The following USH2A variants were observed in gnomAD, a reference collection of about 807,000 sequenced individuals.
USH2A encodes the protein usherin, also known as Usher syndrome 2A (autosomal recessive, mild).
In USH2A, 443 loss-of-function variants were observed where a neutral mutation model predicts 538.9. The ratio of observed to expected loss-of-function variants is 0.82; its 90% CI spans 0.76 to 0.89. The LOEUF (loss-of-function observed/expected upper bound fraction) is 0.89, where lower values mean the gene tolerates loss of function less well. Ranked by LOEUF, USH2A falls within the 40% of genes least tolerant of loss-of-function variation. USH2A has a pLI of 0.00. For missense variants in USH2A, 6,633 were observed against 6,324.8 expected (o/e 1.05, Z -1.65); for synonymous variants, 2,413 against 2,273.5 (o/e 1.06, Z -1.75).
chr1:215,882,362 C>T (rs546060748), intron 41 of USH2A, among the ~76,000 whole-genome samples: 18 of 152,278 alleles, frequency 1.2e-4, no homozygotes, highest in African/African-American at 3.9e-4. Flanking sequence ...AGTAATTCCT[C>T]TTATGATGGA....
chr1:216,165,195 A>ATATG (rs1311516033), intron 21 of USH2A, among the ~76,000 whole-genome samples: 1 of 152,260 alleles, frequency 6.6e-6, no homozygotes, highest in East Asian at 1.9e-4. Context: ...ATTGTACTGT[A>ATATG]TATGTTTATT....
At chr1:216,370,723 C>T (rs2038697720) in intron 3 of USH2A, among the ~76,000 whole-genome samples, 1 of 134,660 alleles carries the variant, frequency 7.4e-6, no homozygotes, top group African/African-American at 2.7e-5. Context: ...GCTATAGAAG[C>T]GTGACTGGTG....
At chr1:215,780,650 T>G (rs1661606869) in intron 54 of USH2A, among the ~76,000 whole-genome samples, 1 of 152,250 alleles carries the variant, frequency 6.6e-6, no homozygotes, top group African/African-American at 2.4e-5. Flanking sequence ...AAAATTGGCT[T>G]CTTTCATAGA....
chr1:216,332,476 A>G (rs984268184), intron 4 of USH2A, among the ~76,000 whole-genome samples: 1 of 152,152 alleles, frequency 6.6e-6, no homozygotes, highest in Non-Finnish European at 1.5e-5. Context: ...ATGAACATGC[A>G]AAAGGCTAAG....
chr1:216,316,850 A>C lies in USH2A; in HGVS notation c.1644+5033T>G, dbSNP rs116383467. Among the ~76,000 whole-genome samples the C allele has an allele frequency of 5.4e-3, 820 of 152,280 alleles. 9 individuals are homozygous for C. Among genetic ancestry groups the C allele is most frequent in the African/African-American group, 0.018 (757 of 41,550 alleles). ...AATTGGGCAATGAACATGAACAGACAGTTCTCAAAAGAAGACATTAATGTC... is the reference window on the plus strand; with the variant it reads ...AATTGGGCAATGAACATGAACAGACCGTTCTCAAAAGAAGACATTAATGTC... On this transcript the variant is annotated intron_variant, in intron 9 of 71. Coordinates refer to ENST00000307340, the MANE Select transcript of USH2A (RefSeq NM_206933.4).
intron 61 of USH2A, among the ~76,000 whole-genome samples, chr1:215,710,168 C>A (rs1440582178): frequency 2.0e-5 from 3 of 152,284 alleles, no homozygotes; most frequent in East Asian, 3.9e-4. Flanking sequence ...GCAAGTGCAT[C>A]ATTCACTGTG....
intron 61 of USH2A, among the ~76,000 whole-genome samples, chr1:215,717,622 A>T (rs766665672): frequency 1.9e-4 from 29 of 152,206 alleles, no homozygotes; most frequent in Non-Finnish European, 3.5e-4. Context: ...TATCTGTTAT[A>T]GCTTCTGGAC....
intron 3 of USH2A, among the ~76,000 whole-genome samples, chr1:216,372,023 C>T (rs1456339550): frequency 6.6e-6 from 1 of 152,070 alleles, no homozygotes; most frequent in African/African-American, 2.4e-5. Flanking sequence ...TGAATAAGTA[C>T]TTGAGGAAAT....
At chr1:215,629,760 T>C (rs1417179018) in intron 70 of USH2A, among the ~76,000 whole-genome samples, 7 of 148,432 alleles carry the variant, frequency 4.7e-5, no homozygotes, top group Non-Finnish European at 7.4e-5. Flanking sequence ...GTTTCTGCTT[T>C]TTCTTTTCTT....
intron 38 of USH2A, among the ~76,000 whole-genome samples, chr1:215,911,535 C>G (rs1281712977): frequency 6.6e-6 from 1 of 152,034 alleles, no homozygotes; most frequent in Admixed American, 6.6e-5. Flanking sequence ...ATGACTGGAT[C>G]TCATTCTTTT....
intron 3 of USH2A, among the ~76,000 whole-genome samples, chr1:216,385,724 G>A (rs967006164): frequency 7.2e-5 from 11 of 152,218 alleles, no homozygotes; most frequent in South Asian, 2.1e-4. Flanking sequence ...GCTTTATTCC[G>A]GTTTCTATCA....
chr1:216,177,538 C>T (rs1284219970), intron 20 of USH2A, among the ~76,000 whole-genome samples: 1 of 152,128 alleles, frequency 6.6e-6, no homozygotes, highest in African/African-American at 2.4e-5. Context: ...TGGTCAGCCT[C>T]TTGGTCCTAG....
At chr1:216,097,279 C>G in intron 21 of USH2A, 66 bp from the exon 22 acceptor site, 1 of 1,611,404 alleles carries the variant, frequency 6.2e-7, no homozygotes, top group East Asian at 2.2e-5. Flanking sequence ...GATAAATGTA[C>G]ATTTACTTTC....
At chr1:216,262,275 G>A (rs911806422) in intron 11 of USH2A, among the ~76,000 whole-genome samples, 1 of 151,788 alleles carries the variant, frequency 6.6e-6, no homozygotes, top group East Asian at 1.9e-4. Context: ...TGATGTTAAG[G>A]AAACTCAGCA....
intron 34 of USH2A, among the ~76,000 whole-genome samples, chr1:215,995,521 A>C (rs1277581786): frequency 6.6e-6 from 1 of 152,184 alleles, no homozygotes; most frequent in African/African-American, 2.4e-5. Context: ...GTCTAATCTG[A>C]CATCATCTAA....
intron 38 of USH2A, among the ~76,000 whole-genome samples, chr1:215,917,780 C>CAAAA (rs869080030): frequency 2.2e-5 from 2 of 89,616 alleles, no homozygotes; most frequent in Non-Finnish European, 4.1e-5. Flanking sequence ...CCTATCACTA[C>CAAAA]AAAAAAAAAA....
chr1:215,742,397 C>T (rs749873276), intron 59 of USH2A, among the ~76,000 whole-genome samples: 13 of 151,420 alleles, frequency 8.6e-5, no homozygotes, highest in South Asian at 4.2e-4. Context: ...GAGTATTATA[C>T]GTTATATAAC....
At chr1:216,204,324 A>G (rs1422022302) in intron 16 of USH2A, 2 of 152,204 alleles carry the variant, frequency 1.3e-5, no homozygotes, top group Non-Finnish European at 2.9e-5. Context: ...TGATTCTCGA[A>G]GCGCTAGCTT....
Position 216,365,085 on chromosome 1 carries a change from C to T in USH2A, c.652G>A (p.Val218Met). ...AAGAAGCTGATTTTTGTCTGATGCACCTGTAAGAAATTACCACCATTATTA... is the reference window on the plus strand; with the variant it reads ...AAGAAGCTGATTTTTGTCTGATGCATCTGTAAGAAATTACCACCATTATTA... ...VKKWIHLSVQVHQTKISFFIN... is the reference protein window; with the variant it reads ...VKKWIHLSVQMHQTKISFFIN... The change falls in exon 4 of 72, where the codon GTG becomes ATG. Residue 218 changes from valine (V) to methionine (M), a missense_variant and splice_region_variant. Coordinates refer to ENST00000307340, the MANE Select transcript of USH2A (RefSeq NM_206933.4). 6.2e-7 allele frequency: 1 copy of T among 1,611,446 alleles called. No homozygotes were observed. Among genetic ancestry groups the T allele is most frequent in the Non-Finnish European group, 8.5e-7 (1 of 1,178,742 alleles).
Sources: gnomAD v4.1 joint callset for allele counts (sites outside exome capture counted in the v4.1 genomes callset) on GRCh38, gnomAD v4.1.1 for gene constraint, MANE v1.5 for transcripts, NCBI Gene and HGNC (gene_info 2026-07-23, HGNC 2026-07-21) for gene names.